FOXN3: variants seen among roughly 807,000 people sequenced by gnomAD.
FOXN3 encodes forkhead box protein N3.
FOXN3 carries 7 observed loss-of-function variants against 38.4 expected under a neutral mutation model. The ratio of observed to expected loss-of-function variants is 0.18; its 90% CI spans 0.10 to 0.34. The LOEUF is 0.34. Ranked by LOEUF, FOXN3 falls within the 10% of genes least tolerant of loss-of-function variation. The pLI is 1.00. For synonymous variants in FOXN3, 230 were observed against 242.2 expected, an observed-to-expected ratio of 0.95 and a Z score of 0.47; for missense variants, 456 against 613.4, an observed-to-expected ratio of 0.74 and a Z score of 2.71.
intron 3 of FOXN3, among the ~76,000 whole-genome samples, chr14:89,285,117 A>G (rs1886582946): frequency 6.6e-6 from 1 of 152,172 alleles, no homozygotes; most frequent in Non-Finnish European, 1.5e-5. Flanking sequence ...CCGCCAAGAC[A>G]CACACCTGTA....
At position 89,523,726 on chromosome 14, in the gene FOXN3, C is replaced by T. The variant is rs181206577; in HGVS notation, c.-15+95302G>A. Among the ~76,000 whole-genome samples, 35 of 151,826 alleles carry T rather than the reference C, an allele frequency of 2.3e-4. 2 individuals carry two copies. The South Asian group carries it at 5.0e-3, about 22-fold the overall frequency. On this transcript the variant is annotated intron_variant, in intron 1 of 6. Transcript: ENST00000345097. ...TAGAGGAAATTTAAATATCTGTATT[C>T]GAAAAGAAAGGTCTTAAATAAATTG...
intron 3 of FOXN3, among the ~76,000 whole-genome samples, chr14:89,309,645 G>A (rs1887474262): frequency 6.6e-6 from 1 of 152,040 alleles, no homozygotes; most frequent in African/African-American, 2.4e-5. Flanking sequence ...CTGCCCTCTG[G>A]GTGTGCGTTT....
chr14:89,231,757 G>A (rs778217197), intron 4 of FOXN3, among the ~76,000 whole-genome samples: 68 of 152,154 alleles, frequency 4.5e-4, no homozygotes, highest in Non-Finnish European at 1.3e-4. Context: ...CTACCTTGCG[G>A]TGCCTCTATG....
At chr14:89,284,474 C>T (rs1459307871) in intron 3 of FOXN3, 2 of 455,950 alleles carry the variant, frequency 4.4e-6, no homozygotes, top group East Asian at 6.9e-5. Context: ...TCTGATCTTC[C>T]AGCTTTCCTC....
chr14:89,491,776 C>T (rs1893581726), intron 1 of FOXN3, among the ~76,000 whole-genome samples: 2 of 152,168 alleles, frequency 1.3e-5, no homozygotes, highest in Non-Finnish European at 2.9e-5. Context: ...CACCTTGCCA[C>T]TATTTGGGAA....
At chr14:89,393,176 G>A (rs1012006420) in intron 2 of FOXN3, among the ~76,000 whole-genome samples, 1 of 151,844 alleles carries the variant, frequency 6.6e-6, no homozygotes, top group Non-Finnish European at 1.5e-5. Context: ...CCTGACCTCA[G>A]GCAATCCACC....
At chr14:89,516,374 C>A (rs752756583) in intron 1 of FOXN3, among the ~76,000 whole-genome samples, 8 of 152,046 alleles carry the variant, frequency 5.3e-5, no homozygotes, top group Non-Finnish European at 8.8e-5. Context: ...GTAAGTAAAC[C>A]ACCGAAATTT....
intron 4 of FOXN3, among the ~76,000 whole-genome samples, chr14:89,227,994 C>G (rs1488613240): frequency 1.3e-5 from 2 of 152,196 alleles, no homozygotes; most frequent in Non-Finnish European, 2.9e-5. Flanking sequence ...CCCACCTCAG[C>G]CCCCCAAAGT....
chr14:89,498,153 T>C (rs969072742), intron 1 of FOXN3, among the ~76,000 whole-genome samples: 23 of 151,632 alleles, frequency 1.5e-4, no homozygotes, highest in Non-Finnish European at 2.5e-4. Context: ...CCTTATCAAA[T>C]ATACGATTTG....
chr14:89,191,991 T>C (rs1470412977), intron 4 of FOXN3, among the ~76,000 whole-genome samples: 1 of 144,366 alleles, frequency 6.9e-6, no homozygotes, highest in Non-Finnish European at 1.5e-5. Context: ...ATATATAATA[T>C]ATATTAGCTA....
chr14:89,442,680 C>T (rs1043837622), intron 1 of FOXN3, among the ~76,000 whole-genome samples: 6 of 152,132 alleles, frequency 3.9e-5, no homozygotes, highest in Non-Finnish European at 8.8e-5. Context: ...CCATGGCCCA[C>T]GGGATGACTG....
chr14:89,472,720 C>CAAAAAAAA (rs1157948946), intron 1 of FOXN3, among the ~76,000 whole-genome samples: 2 of 46,588 alleles, frequency 4.3e-5, no homozygotes, highest in African/African-American at 1.5e-4. Flanking sequence ...GACCCCATCT[C>CAAAAAAAA]AAAAAAAAAA....
intron 1 of FOXN3, among the ~76,000 whole-genome samples, chr14:89,440,892 C>G (rs1892369763): frequency 1.3e-5 from 2 of 152,154 alleles, no homozygotes; most frequent in Non-Finnish European, 2.9e-5. Flanking sequence ...AGGCTCTTTT[C>G]TTTGATGTTA....
At chr14:89,456,066 T>G (rs1892716278) in intron 1 of FOXN3, among the ~76,000 whole-genome samples, 2 of 151,962 alleles carry the variant, frequency 1.3e-5, no homozygotes, top group Admixed American at 1.3e-4. Context: ...TGGTGGCGGA[T>G]GCCTGTAATC....
At chr14:89,473,464 A>T (rs1300195719) in intron 1 of FOXN3, among the ~76,000 whole-genome samples, 1 of 151,420 alleles carries the variant, frequency 6.6e-6, no homozygotes, top group African/African-American at 2.4e-5. Flanking sequence ...TCTGTGCTCA[A>T]CCAAACTTCT....
intron 1 of FOXN3, among the ~76,000 whole-genome samples, chr14:89,501,555 A>T (rs1402483211): frequency 1.3e-5 from 2 of 152,178 alleles, no homozygotes; most frequent in Non-Finnish European, 1.5e-5. Flanking sequence ...TTGCTCCTTC[A>T]TTTTAAAGGA....
intron 1 of FOXN3, among the ~76,000 whole-genome samples, chr14:89,424,547 C>T (rs568663423): frequency 1.3e-5 from 2 of 152,100 alleles, no homozygotes; most frequent in East Asian, 1.9e-4. Context: ...TACGCAGGTT[C>T]CAAGATTCAA....
At chr14:89,420,137 C>G (rs1566650102), upstream of FOXN3, among the ~76,000 whole-genome samples, 1 of 152,232 alleles carries the variant, frequency 6.6e-6, no homozygotes, top group East Asian at 1.9e-4. Flanking sequence ...TTCCTCTGCT[C>G]AATGATAACC....
rs10141663 is a variant in FOXN3, at chr14:89,486,232, T to C, written c.-14-73742A>G. ...AATACGATTAAAGTAAAACATGAGATTGTGGCAACAAAAATAATTTAGAAG... is the reference window on the plus strand; with the variant it reads ...AATACGATTAAAGTAAAACATGAGACTGTGGCAACAAAAATAATTTAGAAG... On this transcript the variant is annotated intron_variant, in intron 1 of 6. Coordinates refer to the FOXN3 transcript ENST00000345097. Among the ~76,000 whole-genome samples the C allele has an allele frequency of 4.4e-3, 670 of 152,314 alleles. 8 individuals are homozygous for C. The highest frequency in any genetic ancestry group is 0.015 in the African/African-American group (630 of 41,564).
Sources: allele counts gnomAD v4.1 joint callset (sites outside exome capture counted in the v4.1 genomes callset), GRCh38; gene constraint gnomAD v4.1.1; transcripts MANE v1.5; gene names NCBI Gene and HGNC (gene_info 2026-07-23, HGNC 2026-07-21).